The following ASXL3 variants were observed in gnomAD, a reference collection of about 807,000 sequenced individuals.
ASXL3 encodes the protein ASXL transcriptional regulator 3.
Under a neutral mutation model 170.6 loss-of-function variants are expected in ASXL3, and 34 were observed. That is an observed-to-expected ratio of 0.20 (90% confidence interval 0.15 to 0.27). The LOEUF is 0.27. Ranked by LOEUF, ASXL3 falls within the 10% of genes least tolerant of loss-of-function variation. ASXL3 has a pLI of 1.00. For synonymous variants in ASXL3, 1,002 were observed against 989.1 expected (o/e 1.01, Z -0.24); for missense variants, 2,592 against 2,695.3 (o/e 0.96, Z 0.85).
Position 33,738,687 on chromosome 18 carries a change from T to A in ASXL3, c.1283T>A (p.Ile428Asn). The stretch of plus-strand genomic sequence containing the variant: ...GCTACTCTTTGCCCTATGGTAGAAA[T>A]TCCACCTAAAGATATAATGGCAGAA... ...FCATLCPMVE[I>N]PPKDIMAELE... Residue 428 changes from isoleucine (I) to asparagine (N), a missense_variant, in exon 11 of 12, where the codon ATT becomes AAT. Coordinates refer to ENST00000269197, the MANE Select transcript of ASXL3 (RefSeq NM_030632.3). 1 of 1,613,976 alleles carries A rather than the reference T, an allele frequency of 6.2e-7. No individual in the cohort carries two copies. Among genetic ancestry groups the A allele is most frequent in the South Asian group, 1.1e-5 (1 of 91,084 alleles).
chr18:33,600,185 T>G (rs2145111616), intron 1 of ASXL3, among the ~76,000 whole-genome samples: 1 of 152,228 alleles, frequency 6.6e-6, no homozygotes, highest in South Asian at 2.1e-4. Context: ...GATCTATTAG[T>G]CTGGAAACAA....
rs115032062 is a variant in ASXL3, at chr18:33,749,176, G to A, written c.*2581G>A. Reference sequence around the variant, plus strand: ...CTTTAAGCTAAAATATAAGGGAAAGGAAGAAGAGAAATTTAGATGTAAAAT... The same window carrying A: ...CTTTAAGCTAAAATATAAGGGAAAGAAAGAAGAGAAATTTAGATGTAAAAT... On this transcript the variant is annotated 3_prime_UTR_variant, in exon 12 of 12. Coordinates refer to ENST00000269197, the MANE Select transcript of ASXL3 (RefSeq NM_030632.3). 5.4e-4 allele frequency: 82 copies of A among 151,422 alleles called. No individual in the cohort carries two copies. The highest frequency in any genetic ancestry group is 2.0e-3 in the African/African-American group (82 of 41,204). The allele number at this position is 151,422 out of a possible 1,614,324, so 9.4% of individuals were successfully genotyped here. A position where few individuals can be genotyped will look rare whatever the true frequency, so the allele number is the denominator to read the frequency against.
In ASXL3 at chr18:33,746,996, AGAT is replaced by A. The variant is rs1271215379; in HGVS notation, c.*404_*406del. On this transcript the variant is annotated 3_prime_UTR_variant, in exon 12 of 12. Coordinates refer to ENST00000269197, the MANE Select transcript of ASXL3 (RefSeq NM_030632.3). Reference sequence around the variant, plus strand: ...TTAAAGTGGTTATGCATTTTTCTATAGATGAGCCATTACAGCAAGGAATTTTAC... The same window carrying A: ...TTAAAGTGGTTATGCATTTTTCTATAGAGCCATTACAGCAAGGAATTTTAC... The A allele has an allele frequency of 6.2e-6, 1 of 160,412 alleles. No individual in the cohort carries two copies. Among genetic ancestry groups the A allele is most frequent in the African/African-American group, 2.4e-5 (1 of 41,802 alleles). The allele number at this position is 160,412 out of a possible 1,614,324, so 9.9% of individuals were successfully genotyped here.
At chr18:33,640,073 T>C (rs573525246) in intron 2 of ASXL3, among the ~76,000 whole-genome samples, 2 of 152,182 alleles carry the variant, frequency 1.3e-5, no homozygotes, top group South Asian at 4.1e-4. Context: ...ATTATTCCCA[T>C]TTATGTTTAT....
chr18:33,715,078 C>T (rs2145358922), intron 8 of ASXL3, among the ~76,000 whole-genome samples: 1 of 152,272 alleles, frequency 6.6e-6, no homozygotes, highest in Non-Finnish European at 1.5e-5. Flanking sequence ...TGACTCAGGA[C>T]AATGGACATG....
chr18:33,583,717 C>G (rs1599368220), intron 1 of ASXL3, among the ~76,000 whole-genome samples: 1 of 152,036 alleles, frequency 6.6e-6, no homozygotes, highest in Non-Finnish European at 1.5e-5. Flanking sequence ...CAGAAATGAA[C>G]TATTTTCTTG....
At chr18:33,667,039 G>A (rs572747757) in intron 5 of ASXL3, among the ~76,000 whole-genome samples, 40 of 152,264 alleles carry the variant, frequency 2.6e-4, no homozygotes, top group African/African-American at 7.7e-4. Context: ...CTGCACTGAG[G>A]GGAAGTGCGG....
At chr18:33,653,525 A>G (rs937383561) in intron 4 of ASXL3, among the ~76,000 whole-genome samples, 1 of 152,124 alleles carries the variant, frequency 6.6e-6, no homozygotes, top group Non-Finnish European at 1.5e-5. Context: ...AGGAAAGCGA[A>G]TACTCTTCAC....
intron 8 of ASXL3, among the ~76,000 whole-genome samples, chr18:33,712,220 T>C (rs1369604978): frequency 6.6e-6 from 1 of 152,210 alleles, no homozygotes; most frequent in Non-Finnish European, 1.5e-5. Flanking sequence ...TATTTATTTA[T>C]TGTAGAATAT....
chr18:33,747,295 T>C lies in ASXL3; in HGVS notation c.*700T>C, dbSNP rs1406670143. On this transcript the variant is annotated 3_prime_UTR_variant, in exon 12 of 12. Coordinates refer to ENST00000269197, the MANE Select transcript of ASXL3 (RefSeq NM_030632.3). ...TACATCTGAAATTGCATGGGACTCA[T>C]GCCCAGCAATCTGGTTCTAGGCCTT... The C allele has an allele frequency of 6.6e-6, 1 of 152,068 alleles. No homozygotes were observed. 9.4% of individuals were successfully genotyped at this position (152,068 alleles called of 1,614,324 possible). A position where few individuals can be genotyped will look rare whatever the true frequency, so the allele number is the denominator to read the frequency against.
chr18:33,734,127 T>TACCATTCTTCTAA (rs2067503725), intron 9 of ASXL3, among the ~76,000 whole-genome samples, 183 bp from the exon 10 acceptor site: 1 of 151,300 alleles, frequency 6.6e-6, no homozygotes, highest in Non-Finnish European at 1.5e-5. Context: ...CATTTAGCTT[T>TACCATTCTTCTAA]AGCATTTTTA....
intron 8 of ASXL3, 72 bp from the exon 9 acceptor site, chr18:33,731,896 G>T: frequency 1.7e-6 from 2 of 1,207,640 alleles, no homozygotes; most frequent in Non-Finnish European, 2.4e-6. Context: ...CTCAATTTTT[G>T]CTTCTTTCCT....
At chr18:33,721,404 G>T (rs8099292) in intron 8 of ASXL3, among the ~76,000 whole-genome samples, 1,974 of 152,138 alleles carry the variant, frequency 0.013, 39 homozygotes, top group African/African-American at 0.045. Context: ...ATATATGTAT[G>T]TATGTATATA....
chr18:33,639,217 CTT>C (rs2065812327), intron 2 of ASXL3, among the ~76,000 whole-genome samples: 2 of 152,106 alleles, frequency 1.3e-5, no homozygotes, highest in South Asian at 4.1e-4. Context: ...TGCATTTAAT[CTT>C]CGGATTAATT....
chr18:33,713,235 T>G (rs2067101667), intron 8 of ASXL3, among the ~76,000 whole-genome samples: 1 of 69,658 alleles, frequency 1.4e-5, no homozygotes, highest in Non-Finnish European at 2.5e-5. Flanking sequence ...GAAGGTTTTT[T>G]TTGTTTTGTT....
chr18:33,685,847 T>A (rs2066587300), intron 8 of ASXL3, among the ~76,000 whole-genome samples: 1 of 152,158 alleles, frequency 6.6e-6, no homozygotes, highest in African/African-American at 2.4e-5. Flanking sequence ...CTCACTGCTA[T>A]GAGAACAGCA....
At chr18:33,590,111 G>GTTTTTTTTGTTTTT in intron 1 of ASXL3, among the ~76,000 whole-genome samples, 1 of 83,184 alleles carries the variant, frequency 1.2e-5, no homozygotes, top group Non-Finnish European at 2.2e-5. Context: ...TGCTTTCTAT[G>GTTTTTTTTGTTTTT]TTTTTTTTTT....
At chr18:33,720,819 TG>T (rs1211370954) in intron 8 of ASXL3, among the ~76,000 whole-genome samples, 3 of 152,170 alleles carry the variant, frequency 2.0e-5, no homozygotes, top group African/African-American at 7.2e-5. Context: ...GAGCAATTCC[TG>T]TTTTTGGAAT....
At chr18:33,601,425 C>G (rs530871984) in intron 1 of ASXL3, among the ~76,000 whole-genome samples, 119 of 152,024 alleles carry the variant, frequency 7.8e-4, no homozygotes, top group Middle Eastern at 3.4e-3. Context: ...AATTATGACT[C>G]AGAGATTTCT....
Sources: gnomAD v4.1 joint callset for allele counts (sites outside exome capture counted in the v4.1 genomes callset) on GRCh38, gnomAD v4.1.1 for gene constraint, MANE v1.5 for transcripts, NCBI Gene and HGNC (gene_info 2026-07-23, HGNC 2026-07-21) for gene names.